The following VWDE variants were observed in gnomAD, a reference collection of about 807,000 sequenced individuals.
The protein encoded by VWDE is von Willebrand factor D and EGF domains.
A neutral mutation model predicts 178.4 loss-of-function variants in VWDE; 207 were observed. The observed-to-expected ratio is 1.16, with a 90% CI of 1.04 to 1.30. The LOEUF is 1.30. Among genes scored for constraint, VWDE ranks in the 50% most tolerant of loss-of-function variants. The pLI, the probability that VWDE is intolerant of heterozygous loss-of-function variation, is 0.00. For synonymous variants in VWDE, 738 were observed against 651.4 expected (o/e 1.13, Z -2.02); for missense variants, 2,287 against 1,901.3 (o/e 1.20, Z -3.77).
At chr7:12,387,014 G>A (rs1356672413) in intron 3 of VWDE, among the ~76,000 whole-genome samples, 4 of 151,914 alleles carry the variant, frequency 2.6e-5, no homozygotes, top group Non-Finnish European at 4.4e-5. Flanking sequence ...TTATTATTTT[G>A]ATCTTATTAT....
At position 12,373,092 on chromosome 7, in the gene VWDE, G is replaced by A. The variant is rs1204770985; in HGVS notation, c.1472C>T (p.Thr491Ile). The A allele has an allele frequency of 1.3e-6, 2 of 1,551,200 alleles. No homozygotes were observed. Among genetic ancestry groups the A allele is most frequent in the Admixed American group, 3.9e-5 (2 of 50,950 alleles). Reference protein sequence around the residue: ...FVAQEGGDIVTFDMCNGQLRE... With the variant: ...FVAQEGGDIVIFDMCNGQLRE... ...TAGCTGACCATTGCACATATCAAAAGTAACTATATCACCTCCTTCCTGGGC... is the reference window on the plus strand; with the variant it reads ...TAGCTGACCATTGCACATATCAAAAATAACTATATCACCTCCTTCCTGGGC... Residue 491 changes from threonine to isoleucine, a missense_variant, in exon 10 of 29, where the codon ACT becomes ATT. By Grantham distance (89) the Thr-to-Ile change is moderately conservative. Coordinates refer to ENST00000275358, the MANE Select transcript of VWDE (RefSeq NM_001135924.3).
At chr7:12,360,016 A>G (rs982039254) in intron 15 of VWDE, among the ~76,000 whole-genome samples, 3 of 152,122 alleles carry the variant, frequency 2.0e-5, no homozygotes, top group African/African-American at 7.2e-5. Flanking sequence ...TGCTTTATTC[A>G]TAAAGAAATA....
Position 12,373,009 on chromosome 7 carries a change from T to C in VWDE, c.1555A>G (p.Ile519Val), listed in dbSNP as rs777465310. 1.3e-6 allele frequency: 2 copies of C among 1,551,110 alleles called. No homozygotes were observed. The highest frequency in any genetic ancestry group is 8.7e-7 in the Non-Finnish European group (1 of 1,146,650). The change falls in exon 10 of 29, where the codon ATA becomes GTA. Residue 519 changes from isoleucine to valine, a missense_variant. By Grantham distance (29) the Ile-to-Val change is conservative (BLOSUM62 3). Transcript: ENST00000275358. ...KSQDVTRNIK[I>V]SESYLGRKVT... ...TTTCTTCCTAAGTAAGATTCACTTA[T>C]CTTGATATTCCTGGTTACATCTTGG...
At chr7:12,393,897 T>C in intron 1 of VWDE, 119 bp from the exon 2 acceptor site, 1 of 765,304 alleles carries the variant, frequency 1.3e-6, no homozygotes, top group South Asian at 2.9e-5. Context: ...CTATTGCACA[T>C]AAAGACCCTC....
At chr7:12,372,607 A>G (rs901850843) in intron 10 of VWDE, among the ~76,000 whole-genome samples, 2 of 152,088 alleles carry the variant, frequency 1.3e-5, no homozygotes, top group Non-Finnish European at 2.9e-5. Context: ...ATTCTATTAC[A>G]CTTATCTACC....
intron 18 of VWDE, among the ~76,000 whole-genome samples, chr7:12,355,435 G>A (rs1308141014): frequency 1.3e-5 from 2 of 148,680 alleles, no homozygotes; most frequent in Non-Finnish European, 3.0e-5. Context: ...AAAAAGTGCT[G>A]AAGAAAATTA....
intron 15 of VWDE, 134 bp downstream of exon 15, chr7:12,361,013 A>G: frequency 3.6e-6 from 2 of 549,944 alleles, no homozygotes; most frequent in Non-Finnish European, 6.2e-6. Context: ...GTTAACTTAT[A>G]TAAACTTGAG....
At chr7:12,388,724 G>T in intron 3 of VWDE, 1 of 298,424 alleles carries the variant, frequency 3.4e-6, no homozygotes, top group Non-Finnish European at 6.7e-6. Context: ...ATAATTTCTG[G>T]CACAGGATAA....
intron 5 of VWDE, 140 bp downstream of exon 5, chr7:12,380,346 C>T: frequency 9.0e-7 from 1 of 1,116,566 alleles, no homozygotes; most frequent in Non-Finnish European, 1.2e-6. Flanking sequence ...AGCACAATTG[C>T]AAGGAAAAAA....
At chr7:12,332,594 A>G (rs1025244321) in intron 28 of VWDE, among the ~76,000 whole-genome samples, 2 of 152,156 alleles carry the variant, frequency 1.3e-5, no homozygotes, top group African/African-American at 4.8e-5. Flanking sequence ...AAACCCAAGG[A>G]AGCTCAAGCT....
At chr7:12,361,907 C>A (rs1782601865) in intron 13 of VWDE, among the ~76,000 whole-genome samples, 1 of 152,120 alleles carries the variant, frequency 6.6e-6, no homozygotes, top group South Asian at 2.1e-4. Context: ...TCCATCACCT[C>A]ATCTACTTGA....
chr7:12,371,023 T>C (rs1420720591), intron 10 of VWDE, among the ~76,000 whole-genome samples, 159 bp from the exon 11 acceptor site: 1 of 152,168 alleles, frequency 6.6e-6, no homozygotes, highest in Non-Finnish European at 1.5e-5. Flanking sequence ...CCTCTTAACA[T>C]TCTATGTCAA....
chr7:12,361,067 A>C, intron 15 of VWDE, 80 bp downstream of exon 15: 1 of 866,570 alleles, frequency 1.2e-6, no homozygotes, highest in Non-Finnish European at 1.7e-6. Flanking sequence ...AAGTGAAAAA[A>C]CTACAATTAA....
At chr7:12,395,305 C>G (rs1784571564) in intron 1 of VWDE, among the ~76,000 whole-genome samples, 1 of 152,044 alleles carries the variant, frequency 6.6e-6, no homozygotes, top group Non-Finnish European at 1.5e-5. Context: ...TGGTTAGAAT[C>G]TTTTAAAAAA....
chr7:12,355,940 C>A lies in VWDE; in HGVS notation c.3745+171G>T, dbSNP rs1782218569. 2.0e-5 allele frequency among the ~76,000 whole-genome samples: 3 copies of A among 152,208 alleles called. No homozygotes were observed. The South Asian group carries it at 6.2e-4, about 32-fold the overall frequency. On this transcript the variant is annotated intron_variant, in intron 18 of 28. Transcript: ENST00000275358. ...AAAATGTAATAGTGCATGGAACTTG[C>A]AATTTACAAAAACAAGGGATATGGA...
Position 12,369,889 on chromosome 7 carries a change from G to A in VWDE, c.2417C>T (p.Thr806Ile), listed in dbSNP as rs1001154732. Residue 806 changes from threonine to isoleucine, a missense_variant, in exon 12 of 29, where the codon ACC (threonine) becomes ATC (isoleucine). Thr to Ile is a moderately conservative substitution (Grantham distance 89). Coordinates refer to ENST00000275358, the MANE Select transcript of VWDE (RefSeq NM_001135924.3). ...TAGAGTCTCCTGACAGAGGGTCAAG[G>A]TGCTATACTCGGTGAGGCCAGAGGG... ...PTPSGLTEYS[T>I]LTLCQETLAN... 1.0e-5 allele frequency: 16 copies of A among 1,551,470 alleles called. No homozygotes were observed. The highest frequency in any genetic ancestry group is 1.4e-5 in the Non-Finnish European group (16 of 1,146,886).
chr7:12,383,795 C>A (rs1583338216), intron 3 of VWDE, among the ~76,000 whole-genome samples, 194 bp from the exon 4 acceptor site: 2 of 152,204 alleles, frequency 1.3e-5, no homozygotes, highest in East Asian at 3.9e-4. Context: ...TATTTCAAAA[C>A]AATCAAAGCT....
At chr7:12,375,276 C>T (rs1280869762) in intron 7 of VWDE, 49 bp from the exon 8 acceptor site, 1 of 1,237,808 alleles carries the variant, frequency 8.1e-7, no homozygotes, top group African/African-American at 1.5e-5. Context: ...AATATACTAA[C>T]CAAAGCATGT....
intron 6 of VWDE, 68 bp downstream of exon 6, chr7:12,379,409 C>G: frequency 7.2e-6 from 8 of 1,118,792 alleles, no homozygotes; most frequent in Non-Finnish European, 1.0e-5. Context: ...CCAGCATGGA[C>G]AGATCACAGT....
Sources: allele counts gnomAD v4.1 joint callset (sites outside exome capture counted in the v4.1 genomes callset), GRCh38; gene constraint gnomAD v4.1.1; transcripts MANE v1.5; gene names NCBI Gene and HGNC (gene_info 2026-07-23, HGNC 2026-07-21).